The following SLC44A3 variants were observed in gnomAD, a reference collection of about 807,000 sequenced individuals.
SLC44A3 encodes the protein choline transporter-like protein 3.
A neutral mutation model predicts 75.4 loss-of-function variants in SLC44A3; 74 were observed. The observed-to-expected ratio is 0.98, with a 90% confidence interval of 0.81 to 1.19. SLC44A3 has a LOEUF of 1.19. Ranked by LOEUF, SLC44A3 falls within the 50% of genes most tolerant of loss-of-function variation. The pLI, the probability that SLC44A3 is intolerant of heterozygous loss-of-function variation, is 0.00. For missense variants in SLC44A3, 700 were observed against 778.6 expected, an observed-to-expected ratio of 0.90 and a Z score of 1.20; for synonymous variants, 310 against 296.9, an observed-to-expected ratio of 1.04 and a Z score of -0.45.
At chr1:94,848,053 C>G (rs906042692) in intron 9 of SLC44A3, among the ~76,000 whole-genome samples, 1 of 152,098 alleles carries the variant, frequency 6.6e-6, no homozygotes, top group Non-Finnish European at 1.5e-5. Context: ...ACGGTGAAAC[C>G]CCGTCTCTAC....
intron 11 of SLC44A3, 72 bp downstream of exon 11, chr1:94,864,971 A>T (rs1666993683): frequency 1.3e-6 from 2 of 1,529,332 alleles, no homozygotes; most frequent in Non-Finnish European, 1.8e-6. Context: ...GGAAAACTAC[A>T]GCAGGTCCCA....
intron 12 of SLC44A3, among the ~76,000 whole-genome samples, chr1:94,880,733 G>A (rs991263716): frequency 3.9e-5 from 6 of 152,158 alleles, no homozygotes; most frequent in African/African-American, 1.4e-4. Flanking sequence ...GGCGCTGGGG[G>A]CTAGGGAGAG....
chr1:94,827,751 T>A, intron 4 of SLC44A3, 108 bp downstream of exon 4: 5 of 1,381,796 alleles, frequency 3.6e-6, no homozygotes, highest in Non-Finnish European at 4.9e-6. Flanking sequence ...GCTGGAAGTT[T>A]TACTTCCTTG....
intron 12 of SLC44A3, among the ~76,000 whole-genome samples, chr1:94,869,420 C>T (rs1460582446): frequency 1.3e-5 from 2 of 152,210 alleles, no homozygotes; most frequent in African/African-American, 4.8e-5. Context: ...ATAGGTCTTT[C>T]AGATTCTAAT....
chr1:94,880,685 T>A (rs543399791), intron 12 of SLC44A3, among the ~76,000 whole-genome samples: 114 of 152,262 alleles, frequency 7.5e-4, no homozygotes, highest in African/African-American at 2.6e-3. Flanking sequence ...ATTTGAAGTA[T>A]CTAAAGTAGT....
chr1:94,850,811 T>C (rs1445318245), intron 9 of SLC44A3, among the ~76,000 whole-genome samples: 1 of 152,258 alleles, frequency 6.6e-6, no homozygotes, highest in African/African-American at 2.4e-5. Context: ...TTCAGCTCTG[T>C]AGTTTATTCT....
In SLC44A3 at chr1:94,894,980, A is replaced by G; in HGVS notation, c.*58A>G. On this transcript the variant is annotated 3_prime_UTR_variant, in exon 15 of 15. Coordinates refer to ENST00000271227, the MANE Select transcript of SLC44A3 (RefSeq NM_001114106.3). ...TTTCCTTCTAAGAGCCATTTACAGA[A>G]TAGAAGATGAGACCACTAGAGAAAA... 1 of 1,345,524 alleles carries G rather than the reference A, an allele frequency of 7.4e-7. No individual in the cohort carries two copies. Among genetic ancestry groups the G allele is most frequent in the Admixed American group, 2.2e-5 (1 of 45,478 alleles). 83.3% of individuals were successfully genotyped at this position (1,345,524 alleles called of 1,614,324 possible). A position where few individuals can be genotyped will look rare whatever the true frequency, so the allele number is the denominator to read the frequency against.
In SLC44A3 at chr1:94,889,621, G is replaced by C. The variant is rs368860578; in HGVS notation, c.1483-1509G>C. Among the ~76,000 whole-genome samples the C allele has an allele frequency of 7.9e-5, 12 of 151,718 alleles. 2 individuals carry two copies. Among genetic ancestry groups the C allele is most frequent in the African/African-American group, 2.9e-4 (12 of 41,410 alleles). ...TGCTTAAGAAATTATCTAAAATCAG[G>C]AAATCAAGAGTTCATTGCATAGTTG... On this transcript the variant is annotated intron_variant, in intron 12 of 14. Coordinates refer to ENST00000271227, the MANE Select transcript of SLC44A3 (RefSeq NM_001114106.3).
intron 9 of SLC44A3, among the ~76,000 whole-genome samples, chr1:94,854,056 C>G (rs1571298681): frequency 2.0e-5 from 3 of 152,212 alleles, no homozygotes; most frequent in South Asian, 4.1e-4. Flanking sequence ...ATTCTAAGAG[C>G]CTTACCTGTT....
chr1:94,825,887 C>T (rs1210856486), intron 3 of SLC44A3: 1 of 456,216 alleles, frequency 2.2e-6, no homozygotes, highest in Non-Finnish European at 4.4e-6. Flanking sequence ...CCCATGTGCT[C>T]CCATTTCACA....
intron 2 of SLC44A3, among the ~76,000 whole-genome samples, chr1:94,821,591 G>C (rs1256650158): frequency 6.6e-6 from 1 of 152,152 alleles, no homozygotes; most frequent in Non-Finnish European, 1.5e-5. Context: ...ATGATTGCTG[G>C]TAAACTCCAT....
intron 6 of SLC44A3, chr1:94,838,840 G>T (rs1339822036): frequency 6.6e-6 from 1 of 152,142 alleles, no homozygotes; most frequent in Non-Finnish European, 1.5e-5. Context: ...CTTATATAAT[G>T]ACCTAATGTC....
chr1:94,845,544 T>C, intron 9 of SLC44A3, 80 bp downstream of exon 9: 1 of 1,372,640 alleles, frequency 7.3e-7, no homozygotes, highest in Non-Finnish European at 9.8e-7. Context: ...CCTGTTTCTG[T>C]AGGCACCTAA....
chr1:94,820,803 G>A, intron 1 of SLC44A3, 146 bp from the exon 2 acceptor site: 1 of 1,317,248 alleles, frequency 7.6e-7, no homozygotes, highest in Non-Finnish European at 1.0e-6. Context: ...AGAGCTTCAG[G>A]TGGCCACGTA....
intron 13 of SLC44A3, among the ~76,000 whole-genome samples, chr1:94,892,079 C>T (rs557650257): frequency 4.5e-4 from 69 of 152,286 alleles, no homozygotes; most frequent in African/African-American, 1.6e-3. Context: ...CCTTCCTACT[C>T]GCCATTAACT....
chr1:94,847,360 G>A (rs934061357), intron 9 of SLC44A3, among the ~76,000 whole-genome samples: 31 of 152,188 alleles, frequency 2.0e-4, no homozygotes, highest in Non-Finnish European at 1.5e-4. Context: ...ACCTTGAGGA[G>A]GGTGGCAGGG....
At chr1:94,837,608 T>C (rs1662990377) in intron 5 of SLC44A3, 103 bp from the exon 6 acceptor site, 2 of 1,195,674 alleles carry the variant, frequency 1.7e-6, no homozygotes, top group Non-Finnish European at 2.3e-6. Flanking sequence ...TCTCTATTAC[T>C]GTAGTTCTTA....
chr1:94,857,009 G>A (rs1665959112), intron 9 of SLC44A3, among the ~76,000 whole-genome samples: 1 of 152,088 alleles, frequency 6.6e-6, no homozygotes, highest in African/African-American at 2.4e-5. Context: ...GGGATTACAG[G>A]CATGAGCCAC....
intron 10 of SLC44A3, among the ~76,000 whole-genome samples, chr1:94,863,901 T>C (rs564083423): frequency 6.6e-6 from 1 of 152,336 alleles, no homozygotes; most frequent in South Asian, 2.1e-4. Context: ...CCAGAGCAAG[T>C]TGTAGAATAA....
Sources: gnomAD v4.1 joint callset for allele counts (sites outside exome capture counted in the v4.1 genomes callset) on GRCh38, gnomAD v4.1.1 for gene constraint, MANE v1.5 for transcripts, NCBI Gene and HGNC (gene_info 2026-07-23, HGNC 2026-07-21) for gene names.